LRRC4C: variants seen among roughly 807,000 people sequenced by gnomAD.
LRRC4C encodes the protein leucine rich repeat containing 4C.
In LRRC4C, 5 loss-of-function variants were observed where a neutral mutation model predicts 33.6. That is an observed-to-expected ratio of 0.15 (90% CI 0.08 to 0.31). The LOEUF (loss-of-function observed/expected upper bound fraction) is 0.31, where lower values mean the gene tolerates loss of function less well. LRRC4C is among the 10% of genes least tolerant of loss of function. The pLI is 1.00. For missense variants in LRRC4C, 560 were observed against 796.7 expected (o/e 0.70, Z 3.58); for synonymous variants, 329 against 302.0 (o/e 1.09, Z -0.93).
chr11:40,422,011 C>T (rs1413944403), intron 3 of LRRC4C, among the ~76,000 whole-genome samples: 1 of 152,222 alleles, frequency 6.6e-6, no homozygotes, highest in Non-Finnish European at 1.5e-5. Context: ...CCTAGTTCTG[C>T]AGGAAATACG....
rs189194722 is a variant in LRRC4C at position 40,711,843 on chromosome 11, G to T, written c.-406-63565C>A. On this transcript the variant is annotated intron_variant, in intron 2 of 6. Transcript: ENST00000528697. The stretch of plus-strand genomic sequence containing the variant: ...TAATTTATAAGTTGGAAACATAAAT[G>T]CATGTCCTAATGAGAAGCCTAAGAT... Among the ~76,000 whole-genome samples, 39 of 152,112 alleles carry T rather than the reference G, an allele frequency of 2.6e-4. 1 individual carries two copies. Among genetic ancestry groups the T allele is most frequent in the Admixed American group, 2.0e-4 (3 of 15,258 alleles).
At chr11:41,073,872 C>T (rs1216820967) in intron 1 of LRRC4C, among the ~76,000 whole-genome samples, 1 of 152,108 alleles carries the variant, frequency 6.6e-6, no homozygotes. Flanking sequence ...AAGGGCTTAA[C>T]AATAATTATG....
At chr11:40,631,915 G>A (rs1312035809) in intron 3 of LRRC4C, among the ~76,000 whole-genome samples, 1 of 152,084 alleles carries the variant, frequency 6.6e-6, no homozygotes, top group Non-Finnish European at 1.5e-5. Context: ...TTCATAACTT[G>A]TACTTAAAAC....
rs189219159 is a variant in LRRC4C at position 41,450,798 on chromosome 11, A to G, written c.-496+8633T>C. ...ACTTTTTGATGTATTTCCTTACTCT[A>G]TTAGCACTGATATATGCAAAGTTAT... is the stretch of plus-strand genomic sequence containing the variant. On this transcript the variant is annotated intron_variant, in intron 1 of 6. Coordinates refer to ENST00000528697, the MANE Select transcript of LRRC4C (RefSeq NM_001258419.2). Among the ~76,000 whole-genome samples the G allele has an allele frequency of 6.4e-3, 976 of 152,234 alleles. 12 individuals carry two copies. Among genetic ancestry groups the G allele is most frequent in the African/African-American group, 0.023 (938 of 41,546 alleles).
intron 3 of LRRC4C, among the ~76,000 whole-genome samples, chr11:40,512,314 C>A (rs578184723): frequency 1.6e-4 from 25 of 152,248 alleles, no homozygotes; most frequent in African/African-American, 6.0e-4. Context: ...GCAGAGGTTG[C>A]AGTGAGCCGA....
chr11:41,122,498 A>G (rs1942492574), intron 1 of LRRC4C, among the ~76,000 whole-genome samples: 2 of 152,024 alleles, frequency 1.3e-5, no homozygotes, highest in Non-Finnish European at 2.9e-5. Context: ...TAATATATAT[A>G]TATTATAAAT....
chr11:40,532,353 G>T (rs893121394), intron 3 of LRRC4C, among the ~76,000 whole-genome samples: 1 of 151,910 alleles, frequency 6.6e-6, no homozygotes, highest in Non-Finnish European at 1.5e-5. Flanking sequence ...TAAATTCAGA[G>T]TGCATTCAAC....
chr11:40,122,298 G>T lies in LRRC4C; in HGVS notation c.-42-5964C>A, dbSNP rs141805158. Reference sequence around the variant, plus strand: ...CTGGATACATGTGCAGGACGTGCAGGTTTGTTACATAGGTTAAACGTGTGC... The same window carrying T: ...CTGGATACATGTGCAGGACGTGCAGTTTTGTTACATAGGTTAAACGTGTGC... On this transcript the variant is annotated intron_variant, in intron 6 of 6. Coordinates refer to ENST00000528697, the MANE Select transcript of LRRC4C (RefSeq NM_001258419.2). Among the ~76,000 whole-genome samples the T allele has an allele frequency of 4.5e-3, 690 of 152,018 alleles. 6 individuals carry two copies. The highest frequency in any genetic ancestry group is 0.017 in the South Asian group (82 of 4,816).
chr11:40,852,379 G>T (rs930792951), intron 2 of LRRC4C, among the ~76,000 whole-genome samples: 1 of 151,910 alleles, frequency 6.6e-6, no homozygotes, highest in Non-Finnish European at 1.5e-5. Context: ...GCCACCAATT[G>T]TCTGCAAACT....
chr11:41,104,800 A>T (rs1941399903), intron 1 of LRRC4C, among the ~76,000 whole-genome samples: 1 of 152,032 alleles, frequency 6.6e-6, no homozygotes. Context: ...GATTTCTGTT[A>T]TGAAATCAAT....
At chr11:40,598,748 A>AGTG (rs1242379560) in intron 3 of LRRC4C, among the ~76,000 whole-genome samples, 1 of 152,170 alleles carries the variant, frequency 6.6e-6, no homozygotes, top group Non-Finnish European at 1.5e-5. Flanking sequence ...GGAACAGGGA[A>AGTG]GTGGTTGCAG....
chr11:40,276,338 G>T (rs1472204519), intron 4 of LRRC4C, among the ~76,000 whole-genome samples: 1 of 152,108 alleles, frequency 6.6e-6, no homozygotes, highest in Non-Finnish European at 1.5e-5. Flanking sequence ...ACAGAAAGCA[G>T]TGGTTCGAAT....
intron 2 of LRRC4C, among the ~76,000 whole-genome samples, chr11:40,927,298 C>T (rs775438658): frequency 3.4e-4 from 52 of 151,458 alleles, no homozygotes; most frequent in African/African-American, 1.1e-3. Context: ...CACTTGAACC[C>T]GAGAGGCGGA....
chr11:41,233,010 A>C (rs1026372520), intron 1 of LRRC4C, among the ~76,000 whole-genome samples: 1 of 152,136 alleles, frequency 6.6e-6, no homozygotes, highest in African/African-American at 2.4e-5. Context: ...TGTCAAAACA[A>C]GTGACTACAT....
chr11:40,986,927 A>G (rs1043857068), intron 1 of LRRC4C, among the ~76,000 whole-genome samples: 2 of 152,214 alleles, frequency 1.3e-5, no homozygotes, highest in Non-Finnish European at 2.9e-5. Context: ...ACTGTTGCAA[A>G]GGCAAAACCA....
At chr11:40,144,236 A>G (rs1448711599) in intron 5 of LRRC4C, among the ~76,000 whole-genome samples, 1 of 152,232 alleles carries the variant, frequency 6.6e-6, no homozygotes, top group Non-Finnish European at 1.5e-5. Context: ...AATGGAAACG[A>G]TAATTATCTG....
chr11:40,922,740 G>T (rs1565206483), intron 2 of LRRC4C, among the ~76,000 whole-genome samples: 1 of 152,210 alleles, frequency 6.6e-6, no homozygotes, highest in Non-Finnish European at 1.5e-5. Context: ...TATAAATTTT[G>T]CAAACAAATG....
At chr11:40,286,404 T>C (rs1943842745) in intron 4 of LRRC4C, among the ~76,000 whole-genome samples, 1 of 152,144 alleles carries the variant, frequency 6.6e-6, no homozygotes, top group Admixed American at 6.6e-5. Context: ...AAAGCTCTCA[T>C]AAGCCTGTGG....
chr11:40,697,006 T>C (rs1054338081), intron 2 of LRRC4C, among the ~76,000 whole-genome samples: 10 of 151,954 alleles, frequency 6.6e-5, no homozygotes, highest in Non-Finnish European at 7.4e-5. Flanking sequence ...GGTCTCAATA[T>C]TAGAATATTG....
Sources: gnomAD v4.1 joint callset for allele counts (sites outside exome capture counted in the v4.1 genomes callset) on GRCh38, gnomAD v4.1.1 for gene constraint, MANE v1.5 for transcripts, NCBI Gene and HGNC (gene_info 2026-07-23, HGNC 2026-07-21) for gene names.